Variants in MRTFB observed in about 807,000 individuals in gnomAD.
The protein encoded by MRTFB is myocardin related transcription factor B, also known as myocardin-related transcription factor B.
MRTFB carries 29 observed loss-of-function variants against 104.2 expected under a neutral mutation model. The ratio of observed to expected loss-of-function variants is 0.28; its 90% CI spans 0.21 to 0.38. MRTFB has a LOEUF of 0.38. MRTFB is among the 10% of genes least tolerant of loss of function. MRTFB has a pLI of 1.00. For synonymous variants in MRTFB, 535 were observed against 519.5 expected, an observed-to-expected ratio of 1.03 and a Z score of -0.41; for missense variants, 1,270 against 1,341.6, an observed-to-expected ratio of 0.95 and a Z score of 0.83.
chr16:14,147,811 T>G (rs948062913), intron 3 of MRTFB, among the ~76,000 whole-genome samples: 8 of 152,232 alleles, frequency 5.3e-5, no homozygotes, highest in African/African-American at 1.7e-4. Context: ...CTTTAAATTG[T>G]GTCCTCTTGT....
intron 2 of MRTFB, among the ~76,000 whole-genome samples, chr16:14,108,783 G>A (rs1304426090): frequency 1.3e-5 from 2 of 152,210 alleles, no homozygotes; most frequent in Non-Finnish European, 2.9e-5. Context: ...GTGTTCATAT[G>A]TTTTAATCAA....
At chr16:14,205,252 A>G (rs1463015247) in intron 3 of MRTFB, among the ~76,000 whole-genome samples, 10 of 152,040 alleles carry the variant, frequency 6.6e-5, no homozygotes, top group Non-Finnish European at 1.5e-4. Context: ...GGCTCCTATC[A>G]TGTGTGAAAA....
At chr16:14,017,709 ATATTT>A in the MRTFB span, among the ~76,000 whole-genome samples, 16 of 15,916 alleles carry the variant, frequency 1.0e-3, 1 homozygote, top group African/African-American at 1.8e-3. Flanking sequence ...ATATATATAT[ATATTT>A]TTTTTTTTTT....
chr16:14,225,619 A>G (rs375046795), intron 8 of MRTFB, among the ~76,000 whole-genome samples: 53 of 152,300 alleles, frequency 3.5e-4, no homozygotes, highest in African/African-American at 1.2e-3. Flanking sequence ...AACAGAAGCA[A>G]TGTCTTGGGT....
rs937947807 is a variant in MRTFB, at chr16:14,264,495, C to A, written c.*3051C>A. On this transcript the variant is annotated 3_prime_UTR_variant, in exon 17 of 17. Coordinates refer to ENST00000571589, the MANE Select transcript of MRTFB (RefSeq NM_001308142.2). ...GTTCTAGTGTTTTTCCTGAAATGTG[C>A]AATCTACTGTATAGTATTGCCACAT... The A allele has an allele frequency of 6.6e-6, 1 of 152,146 alleles. No individual in the cohort carries two copies. Among genetic ancestry groups the A allele is most frequent in the African/African-American group, 2.4e-5 (1 of 41,434 alleles). The allele number at this position is 152,146 out of a possible 1,614,324, so 9.4% of individuals were successfully genotyped here. A position where few individuals can be genotyped will look rare whatever the true frequency, so the allele number is the denominator to read the frequency against.
chr16:14,017,351 C>T, the MRTFB span, among the ~76,000 whole-genome samples: 2 of 150,998 alleles, frequency 1.3e-5, no homozygotes, highest in Admixed American at 6.6e-5. Flanking sequence ...CCACCGCGCC[C>T]GGCCTGCTGC....
intron 11 of MRTFB, among the ~76,000 whole-genome samples, chr16:14,246,238 G>T (rs2043010385): frequency 6.6e-6 from 1 of 152,150 alleles, no homozygotes; most frequent in Non-Finnish European, 1.5e-5. Context: ...TCTCTGCTTT[G>T]ACGTAAAAGC....
chr16:14,213,739 A>G (rs576740571), intron 6 of MRTFB, 119 bp downstream of exon 6: 1 of 716,454 alleles, frequency 1.4e-6, no homozygotes, highest in East Asian at 2.8e-5. Context: ...TACTTCCTCC[A>G]AACTGGATAG....
intron 3 of MRTFB, among the ~76,000 whole-genome samples, chr16:14,184,795 T>C (rs1435077056): frequency 1.3e-5 from 2 of 152,240 alleles, no homozygotes; most frequent in Non-Finnish European, 2.9e-5. Context: ...GAGCATATTC[T>C]AGAAGACAGA....
chr16:14,125,542 C>T (rs2037065606), intron 2 of MRTFB, among the ~76,000 whole-genome samples: 1 of 152,270 alleles, frequency 6.6e-6, no homozygotes, highest in African/African-American at 2.4e-5. Flanking sequence ...AGACTCTTCT[C>T]TAGCAAGCAC....
At chr16:14,040,954 A>G in the MRTFB span, among the ~76,000 whole-genome samples, 1 of 152,206 alleles carries the variant, frequency 6.6e-6, no homozygotes, top group Non-Finnish European at 1.5e-5. Flanking sequence ...TCTCTACAAA[A>G]ACTTTAAAAA....
chr16:14,257,567 C>G (rs532734958), intron 15 of MRTFB, among the ~76,000 whole-genome samples: 13 of 151,272 alleles, frequency 8.6e-5, no homozygotes, highest in African/African-American at 2.9e-4. Flanking sequence ...CAAACAGATC[C>G]GGGGGTTGCC....
At chr16:14,210,649 A>G (rs1276442614) in intron 4 of MRTFB, among the ~76,000 whole-genome samples, 1 of 152,180 alleles carries the variant, frequency 6.6e-6, no homozygotes. Context: ...AATTCATTAG[A>G]CTTGCCAAAA....
the MRTFB span, among the ~76,000 whole-genome samples, chr16:13,995,831 G>A: frequency 6.6e-6 from 1 of 151,984 alleles, no homozygotes; most frequent in Non-Finnish European, 1.5e-5. Context: ...GGGGATGACC[G>A]CTCCCATGAT....
intron 2 of MRTFB, among the ~76,000 whole-genome samples, chr16:14,100,252 T>G (rs2035627930): frequency 6.6e-6 from 1 of 152,166 alleles, no homozygotes; most frequent in African/African-American, 2.4e-5. Context: ...TGTGGACTCC[T>G]TTATCAGGTT....
intron 3 of MRTFB, among the ~76,000 whole-genome samples, chr16:14,181,425 G>C (rs1367084209): frequency 6.6e-6 from 1 of 152,032 alleles, no homozygotes; most frequent in Non-Finnish European, 1.5e-5. Context: ...TGTAGATTTT[G>C]TAATACTCTG....
At chr16:14,239,106 T>C (rs939670440) in intron 9 of MRTFB, among the ~76,000 whole-genome samples, 9 of 152,246 alleles carry the variant, frequency 5.9e-5, no homozygotes, top group East Asian at 5.8e-4. Flanking sequence ...TAAACTGTTA[T>C]GTAAAAATGG....
At chr16:14,148,298 T>C (rs771051150) in intron 3 of MRTFB, among the ~76,000 whole-genome samples, 34 of 152,212 alleles carry the variant, frequency 2.2e-4, no homozygotes, top group Non-Finnish European at 4.6e-4. Context: ...CGTTTACTTA[T>C]GTCTGCCACG....
At chr16:14,212,462 T>G in intron 5 of MRTFB, 53 bp downstream of exon 5, 1 of 1,530,530 alleles carries the variant, frequency 6.5e-7, no homozygotes, top group South Asian at 1.1e-5. Context: ...TCTCCTCTCT[T>G]CTAAAATACC....
Sources: allele counts gnomAD v4.1 joint callset (sites outside exome capture counted in the v4.1 genomes callset), GRCh38; gene constraint gnomAD v4.1.1; transcripts MANE v1.5; gene names NCBI Gene and HGNC (gene_info 2026-07-23, HGNC 2026-07-21).